DYNC1I1: variants seen among roughly 807,000 people sequenced by gnomAD.
DYNC1I1 encodes the protein cytoplasmic dynein 1 intermediate chain 1.
DYNC1I1 carries 43 observed loss-of-function variants against 86.6 expected under a neutral mutation model. That is an observed-to-expected ratio of 0.50 (90% CI 0.39 to 0.64). The LOEUF (loss-of-function observed/expected upper bound fraction) is 0.64, where lower values mean the gene tolerates loss of function less well. Ranked by LOEUF, DYNC1I1 falls within the 30% of genes least tolerant of loss-of-function variation. The probability of loss-of-function intolerance (pLI) is 0.00; values close to 1 mark genes in which losing one functional copy is unlikely to be tolerated. For missense variants in DYNC1I1, 604 were observed against 788.8 expected, an observed-to-expected ratio of 0.77 and a Z score of 2.81; for synonymous variants, 262 against 283.7, an observed-to-expected ratio of 0.92 and a Z score of 0.77.
chr7:96,009,953 A>G (rs1269811855), intron 10 of DYNC1I1, among the ~76,000 whole-genome samples: 1 of 152,026 alleles, frequency 6.6e-6, no homozygotes, highest in Middle Eastern at 3.4e-3. Flanking sequence ...CAAATTTTGT[A>G]TTTTTAGTAA....
At chr7:96,069,300 C>T (rs1248713401) in intron 14 of DYNC1I1, among the ~76,000 whole-genome samples, 1 of 152,186 alleles carries the variant, frequency 6.6e-6, no homozygotes, top group Non-Finnish European at 1.5e-5. Flanking sequence ...TCCTTTACTG[C>T]CACATGATCT....
chr7:96,084,728 A>G (rs1426036218), intron 16 of DYNC1I1, among the ~76,000 whole-genome samples: 1 of 151,784 alleles, frequency 6.6e-6, no homozygotes, highest in Non-Finnish European at 1.5e-5. Context: ...CTGCCTCATT[A>G]CCTGTTTCTT....
intron 5 of DYNC1I1, among the ~76,000 whole-genome samples, chr7:95,857,871 A>G (rs1489336926): frequency 1.3e-5 from 2 of 152,238 alleles, no homozygotes; most frequent in African/African-American, 4.8e-5. Flanking sequence ...TTCTTAAATC[A>G]TTTAAACTAC....
In DYNC1I1 at chr7:95,780,958, G is replaced by A. The variant is rs182546246; in HGVS notation, c.-10+8185G>A. Among the ~76,000 whole-genome samples, 1,274 of 152,136 alleles carry A rather than the reference G, an allele frequency of 8.4e-3. 12 individuals carry two copies. The highest frequency in any genetic ancestry group is 0.015 in the Non-Finnish European group (1,011 of 68,008). On this transcript the variant is annotated intron_variant, in intron 1 of 16. Coordinates refer to ENST00000447467, the MANE Select transcript of DYNC1I1 (RefSeq NM_001135556.2). The stretch of plus-strand genomic sequence containing the variant: ...GCCCGTTAGTATCAATATAGCAAGA[G>A]GTTGTGGGAATTGGTGTGTATTTTG...
At chr7:95,878,724 C>T (rs993356083) in intron 6 of DYNC1I1, among the ~76,000 whole-genome samples, 5 of 151,760 alleles carry the variant, frequency 3.3e-5, no homozygotes, top group Non-Finnish European at 7.4e-5. Context: ...AACTATAAAC[C>T]TAAGAGGCTC....
At chr7:95,894,617 AATC>A (rs1429741242) in intron 6 of DYNC1I1, among the ~76,000 whole-genome samples, 2 of 152,194 alleles carry the variant, frequency 1.3e-5, no homozygotes, top group African/African-American at 2.4e-5. Context: ...TTAAATTTTA[AATC>A]ATTATAACTA....
At chr7:96,035,804 G>A (rs1794915186) in intron 13 of DYNC1I1, 52 bp downstream of exon 13, 1 of 1,592,322 alleles carries the variant, frequency 6.3e-7, no homozygotes, top group South Asian at 1.2e-5. Flanking sequence ...CCGAAAGTCT[G>A]TTATCACATT....
intron 16 of DYNC1I1, among the ~76,000 whole-genome samples, chr7:96,081,537 A>G (rs1380276301): frequency 6.6e-6 from 1 of 152,232 alleles, no homozygotes; most frequent in Non-Finnish European, 1.5e-5. Flanking sequence ...ACTTTCAAGC[A>G]AAACAAAATA....
At chr7:95,989,818 G>A (rs537328483) in intron 9 of DYNC1I1, among the ~76,000 whole-genome samples, 7 of 152,160 alleles carry the variant, frequency 4.6e-5, no homozygotes, top group Non-Finnish European at 8.8e-5. Context: ...TATATGAGGC[G>A]TAAGAAAAAG....
rs893951179 is a variant in DYNC1I1, at chr7:95,821,689, G to GTTA, written c.315-6350_315-6348dup. ...ATTATAATCATCATTATCATTTTTT[G>GTTA]TTATTATTATTATTATTATTGACGC... On this transcript the variant is annotated intron_variant, in intron 4 of 16. Transcript: ENST00000447467. 5.5e-4 allele frequency among the ~76,000 whole-genome samples: 83 copies of GTTA among 151,696 alleles called. 1 individual carries two copies. The East Asian group carries it at 0.011, about 20-fold the overall frequency.
intron 6 of DYNC1I1, among the ~76,000 whole-genome samples, chr7:95,927,196 A>G (rs1213115064): frequency 6.6e-6 from 1 of 152,208 alleles, no homozygotes; most frequent in Non-Finnish European, 1.5e-5. Context: ...AGCATCTAAT[A>G]CAAGTTAATG....
chr7:96,070,000 C>A (rs990046384), intron 14 of DYNC1I1, among the ~76,000 whole-genome samples: 1 of 152,172 alleles, frequency 6.6e-6, no homozygotes, highest in African/African-American at 2.4e-5. Context: ...GACCACTATA[C>A]ATAGTCCATT....
intron 9 of DYNC1I1, among the ~76,000 whole-genome samples, chr7:95,990,353 A>C (rs1025358079): frequency 2.0e-5 from 3 of 152,186 alleles, no homozygotes; most frequent in African/African-American, 7.2e-5. Context: ...TCCTGCAGTC[A>C]TCCAGGATGC....
At chr7:95,903,816 G>T (rs1791103488) in intron 6 of DYNC1I1, among the ~76,000 whole-genome samples, 1 of 152,158 alleles carries the variant, frequency 6.6e-6, no homozygotes, top group South Asian at 2.1e-4. Context: ...ATAATTAGTA[G>T]AAGCAGAATT....
At chr7:96,040,314 T>C (rs1397232333) in intron 14 of DYNC1I1, among the ~76,000 whole-genome samples, 1 of 152,114 alleles carries the variant, frequency 6.6e-6, no homozygotes, top group East Asian at 1.9e-4. Flanking sequence ...GAAGAAAAGC[T>C]GAGACCACTT....
chr7:95,955,474 T>G (rs1479036105), intron 6 of DYNC1I1, among the ~76,000 whole-genome samples: 1 of 151,990 alleles, frequency 6.6e-6, no homozygotes. Context: ...CTTAGCTGAT[T>G]TTTAATTTTT....
chr7:95,886,373 G>A (rs1034506750), intron 6 of DYNC1I1, among the ~76,000 whole-genome samples: 1 of 152,114 alleles, frequency 6.6e-6, no homozygotes, highest in African/African-American at 2.4e-5. Flanking sequence ...GGCGGAGGTT[G>A]CAGTGAGCCG....
chr7:95,898,810 G>A (rs1202179635), intron 6 of DYNC1I1, among the ~76,000 whole-genome samples: 1 of 152,128 alleles, frequency 6.6e-6, no homozygotes, highest in Non-Finnish European at 1.5e-5. Context: ...TTAAAGAAGA[G>A]GTTGATTAAG....
At chr7:95,854,099 A>C (rs2116083436) in intron 5 of DYNC1I1, among the ~76,000 whole-genome samples, 1 of 152,198 alleles carries the variant, frequency 6.6e-6, no homozygotes, top group South Asian at 2.1e-4. Flanking sequence ...TCAGCCACTT[A>C]TGTCTTTTGA....
Sources: gnomAD v4.1 joint callset for allele counts (sites outside exome capture counted in the v4.1 genomes callset) on GRCh38, gnomAD v4.1.1 for gene constraint, MANE v1.5 for transcripts, NCBI Gene and HGNC (gene_info 2026-07-23, HGNC 2026-07-21) for gene names.